Variants in PLPP4 observed in about 807,000 individuals in gnomAD.
PLPP4 encodes phospholipid phosphatase 4, also known as diacylglycerol pyrophosphate like 2.
PLPP4 carries 20 observed loss-of-function variants against 32.2 expected under a neutral mutation model. That is an observed-to-expected ratio of 0.62 (90% confidence interval 0.44 to 0.90). The LOEUF is 0.90. Ranked by LOEUF, PLPP4 falls within the 40% of genes least tolerant of loss-of-function variation. The pLI, the probability that PLPP4 is intolerant of heterozygous loss-of-function variation, is 0.00. For synonymous variants in PLPP4, 127 were observed against 133.0 expected, an observed-to-expected ratio of 0.95 and a Z score of 0.31; for missense variants, 257 against 353.1, an observed-to-expected ratio of 0.73 and a Z score of 2.18.
chr10:120,496,122 C>A (rs1425302996), intron 1 of PLPP4, among the ~76,000 whole-genome samples: 1 of 152,172 alleles, frequency 6.6e-6, no homozygotes, highest in Admixed American at 6.5e-5. Flanking sequence ...GTCTGTCATC[C>A]TAGTACTTGA....
chr10:120,502,895 C>T (rs967989740), intron 1 of PLPP4, among the ~76,000 whole-genome samples: 4 of 152,274 alleles, frequency 2.6e-5, no homozygotes, highest in South Asian at 2.1e-4. Context: ...CGCTCCCCTG[C>T]GCTCCTCATC....
At chr10:120,464,480 G>A (rs146129168) in intron 1 of PLPP4, among the ~76,000 whole-genome samples, 173 of 152,246 alleles carry the variant, frequency 1.1e-3, no homozygotes, top group Middle Eastern at 0.01. Context: ...TCCTGGAAGT[G>A]TATTTCTAAT....
chr10:120,483,301 G>C (rs1218335511), intron 1 of PLPP4, among the ~76,000 whole-genome samples: 1 of 152,164 alleles, frequency 6.6e-6, no homozygotes, highest in African/African-American at 2.4e-5. Flanking sequence ...CTTGCAGACA[G>C]CCTATCATGG....
chr10:120,572,848 A>G (rs1057328269), intron 5 of PLPP4, among the ~76,000 whole-genome samples: 2 of 152,230 alleles, frequency 1.3e-5, no homozygotes, highest in African/African-American at 2.4e-5. Context: ...GTGGCCAGAT[A>G]GGGCCACTTT....
chr10:120,514,134 A>G, intron 3 of PLPP4, 133 bp downstream of exon 3: 2 of 748,844 alleles, frequency 2.7e-6, no homozygotes, highest in East Asian at 2.6e-5. Context: ...ACAAGATAAG[A>G]TAAAGATAAA....
chr10:120,538,410 C>T (rs1362988707), intron 5 of PLPP4, among the ~76,000 whole-genome samples: 1 of 152,092 alleles, frequency 6.6e-6, no homozygotes, highest in Non-Finnish European at 1.5e-5. Flanking sequence ...TTCCTTTCAT[C>T]AGCCTTCGGA....
chr10:120,502,094 A>G (rs180980040), intron 1 of PLPP4, among the ~76,000 whole-genome samples: 3 of 152,290 alleles, frequency 2.0e-5, no homozygotes, highest in Admixed American at 6.5e-5. Flanking sequence ...AGGGGATGCA[A>G]TAGGGATTCT....
At chr10:120,575,034 T>C in intron 5 of PLPP4, 97 bp from the exon 6 acceptor site, 2 of 1,315,026 alleles carry the variant, frequency 1.5e-6, no homozygotes, top group Non-Finnish European at 2.1e-6. Context: ...GCCTTGGCCT[T>C]GGGGGTGTGC....
At chr10:120,461,141 G>C (rs745349010) in intron 1 of PLPP4, among the ~76,000 whole-genome samples, 13 of 152,206 alleles carry the variant, frequency 8.5e-5, no homozygotes, top group Non-Finnish European at 1.9e-4. Context: ...CCTCAAAGGT[G>C]GAGGGATGGC....
chr10:120,502,394 A>C (rs969086309), intron 1 of PLPP4, among the ~76,000 whole-genome samples: 1 of 152,152 alleles, frequency 6.6e-6, no homozygotes, highest in Non-Finnish European at 1.5e-5. Context: ...GACACAGCAG[A>C]TGGGTGGATT....
chr10:120,587,093 G>A (rs1007740648), intron 6 of PLPP4, among the ~76,000 whole-genome samples: 4 of 152,310 alleles, frequency 2.6e-5, no homozygotes, highest in Non-Finnish European at 4.4e-5. Context: ...TCCAGGATCG[G>A]AACAGCACAT....
chr10:120,507,396 T>A (rs933669799), intron 2 of PLPP4, among the ~76,000 whole-genome samples: 3 of 144,908 alleles, frequency 2.1e-5, no homozygotes, highest in African/African-American at 7.6e-5. Flanking sequence ...ATTATCATCA[T>A]CATCATCAAC....
intron 5 of PLPP4, among the ~76,000 whole-genome samples, chr10:120,528,069 GTTT>G (rs35501001): frequency 2.0e-4 from 17 of 84,268 alleles, no homozygotes; most frequent in African/African-American, 7.2e-4. Context: ...ACCACTCTCC[GTTT>G]TTTTTTTTTT....
intron 1 of PLPP4, among the ~76,000 whole-genome samples, chr10:120,502,482 A>G (rs1845300128): frequency 6.6e-6 from 1 of 152,148 alleles, no homozygotes; most frequent in Non-Finnish European, 1.5e-5. Context: ...ACCTGTTCAA[A>G]GTCCCAAATA....
chr10:120,560,244 G>A (rs940404837), intron 5 of PLPP4, among the ~76,000 whole-genome samples: 16 of 150,850 alleles, frequency 1.1e-4, no homozygotes, highest in African/African-American at 3.7e-4. Context: ...AAGTCAAACT[G>A]TACTGACTAT....
rs185852496 is a variant in PLPP4 at position 120,548,421 on chromosome 10, A to G, written c.446-26710A>G. Among the ~76,000 whole-genome samples the G allele has an allele frequency of 7.9e-5, 12 of 152,270 alleles. No homozygotes were observed. The East Asian group carries it at 1.5e-3, about 20-fold the overall frequency. ...AAAGGACATGATCTCATTCTTTTTC[A>G]TGGCTGCATAGTATTCCATGCTGTG... On this transcript the variant is annotated intron_variant, in intron 5 of 6. Transcript: ENST00000398250.
chr10:120,495,776 G>T (rs892491709), intron 1 of PLPP4, among the ~76,000 whole-genome samples: 2 of 152,128 alleles, frequency 1.3e-5, no homozygotes, highest in Non-Finnish European at 2.9e-5. Context: ...CTACCCTCGG[G>T]TGGGGCTTAA....
chr10:120,540,050 G>A (rs1389122411), intron 5 of PLPP4, among the ~76,000 whole-genome samples: 2 of 148,174 alleles, frequency 1.3e-5, no homozygotes, highest in African/African-American at 4.9e-5. Context: ...ATGGTCTTTT[G>A]GTCAAATCTT....
At chr10:120,520,777 C>CA (rs930445616) in intron 4 of PLPP4, among the ~76,000 whole-genome samples, 194 bp from the exon 5 acceptor site, 1 of 152,004 alleles carries the variant, frequency 6.6e-6, no homozygotes, top group African/African-American at 2.4e-5. Flanking sequence ...AGCGCCAACT[C>CA]AGATTTCTCT....
Sources: allele counts gnomAD v4.1 joint callset (sites outside exome capture counted in the v4.1 genomes callset), GRCh38; gene constraint gnomAD v4.1.1; transcripts MANE v1.5; gene names NCBI Gene and HGNC (gene_info 2026-07-23, HGNC 2026-07-21).